Variants in OTUD7A observed in about 807,000 individuals in gnomAD.
OTUD7A encodes the protein OTU domain-containing protein 7A.
In OTUD7A, 12 loss-of-function variants were observed where a neutral mutation model predicts 65.7. The ratio of observed to expected loss-of-function variants is 0.18; its 90% CI spans 0.12 to 0.30. OTUD7A has a LOEUF of 0.30. OTUD7A is among the 10% of genes least tolerant of loss of function. The probability of loss-of-function intolerance (pLI) is 1.00; values close to 1 mark genes in which losing one functional copy is unlikely to be tolerated. For synonymous variants in OTUD7A, 641 were observed against 586.3 expected (o/e 1.09, Z -1.35); for missense variants, 1,148 against 1,304.8 (o/e 0.88, Z 1.85).
At chr15:31,845,499 C>T (rs1897275810) in intron 1 of OTUD7A, among the ~76,000 whole-genome samples, 2 of 152,224 alleles carry the variant, frequency 1.3e-5, no homozygotes, top group South Asian at 4.1e-4. Flanking sequence ...TGGCCTCACG[C>T]CGGCTCCAAC....
chr15:31,488,456 C>CCAAGGGCATTGTCAGGGA (rs1325392107), intron 10 of OTUD7A, among the ~76,000 whole-genome samples: 24 of 152,250 alleles, frequency 1.6e-4, no homozygotes, highest in African/African-American at 5.8e-4. Flanking sequence ...TTGACTCCTC[C>CCAAGGGCATTGTCAGGGA]CAAGGGCATT....
intron 8 of OTUD7A, among the ~76,000 whole-genome samples, chr15:31,509,093 C>T (rs2041632645): frequency 6.6e-6 from 1 of 152,008 alleles, no homozygotes; most frequent in South Asian, 2.1e-4. Context: ...TAATGTCTGA[C>T]TATAAGGTAA....
chr15:31,677,841 T>G (rs1892627219), intron 1 of OTUD7A, among the ~76,000 whole-genome samples: 1 of 152,138 alleles, frequency 6.6e-6, no homozygotes, highest in Admixed American at 6.5e-5. Context: ...CCCAAGAATG[T>G]GGAAGTGACT....
chr15:31,540,596 G>A (rs1331970311), intron 5 of OTUD7A, among the ~76,000 whole-genome samples: 1 of 152,154 alleles, frequency 6.6e-6, no homozygotes, highest in Non-Finnish European at 1.5e-5. Flanking sequence ...TGATCTAACA[G>A]AGTTTTTATG....
At chr15:31,833,737 T>C (rs1896989917) in intron 1 of OTUD7A, among the ~76,000 whole-genome samples, 1 of 152,278 alleles carries the variant, frequency 6.6e-6, no homozygotes, top group Non-Finnish European at 1.5e-5. Context: ...TTAGCAGTTA[T>C]CGAATTCCTC....
At chr15:31,870,142 G>T (rs1299316823) in intron 1 of OTUD7A, among the ~76,000 whole-genome samples, 1 of 149,884 alleles carries the variant, frequency 6.7e-6, no homozygotes, top group Non-Finnish European at 1.5e-5. Context: ...GTCGCCCCAC[G>T]CCTGGCATCA....
intron 3 of OTUD7A, among the ~76,000 whole-genome samples, chr15:31,606,531 T>C (rs1388223473): frequency 6.6e-6 from 1 of 152,202 alleles, no homozygotes; most frequent in Non-Finnish European, 1.5e-5. Flanking sequence ...AGATCATCTG[T>C]GTTCATGACG....
chr15:31,639,475 C>G (rs1434001647), intron 3 of OTUD7A, among the ~76,000 whole-genome samples: 1 of 148,122 alleles, frequency 6.8e-6, no homozygotes, highest in Non-Finnish European at 1.5e-5. Flanking sequence ...CCAAAAACAT[C>G]TGTGTACAAG....
chr15:31,598,544 G>T (rs945821664), intron 3 of OTUD7A, among the ~76,000 whole-genome samples: 1 of 152,212 alleles, frequency 6.6e-6, no homozygotes, highest in Non-Finnish European at 1.5e-5. Context: ...TATGTCACCA[G>T]GGCCCTGGGT....
chr15:31,652,163 T>C (rs920331197), intron 3 of OTUD7A, among the ~76,000 whole-genome samples: 1 of 152,202 alleles, frequency 6.6e-6, no homozygotes, highest in African/African-American at 2.4e-5. Flanking sequence ...ACAGAACCAC[T>C]GTCCAGAAAT....
intron 1 of OTUD7A, among the ~76,000 whole-genome samples, chr15:31,771,984 G>C (rs1298635551): frequency 2.6e-5 from 4 of 152,130 alleles, no homozygotes; most frequent in Non-Finnish European, 5.9e-5. Flanking sequence ...CGGGCGCGGT[G>C]GCTCACACCT....
chr15:31,788,754 A>G (rs567486938), intron 1 of OTUD7A, among the ~76,000 whole-genome samples: 8 of 152,320 alleles, frequency 5.3e-5, no homozygotes, highest in Admixed American at 2.0e-4. Flanking sequence ...CCCTTAGAAC[A>G]GAGACATTGA....
At chr15:31,500,715 T>TG (rs1337920513) in intron 10 of OTUD7A, among the ~76,000 whole-genome samples, 1 of 152,196 alleles carries the variant, frequency 6.6e-6, no homozygotes, top group African/African-American at 2.4e-5. Context: ...GCACACTCAG[T>TG]GGAAAAGGTC....
At chr15:31,509,864 C>T (rs2041652952) in intron 8 of OTUD7A, among the ~76,000 whole-genome samples, 1 of 151,112 alleles carries the variant, frequency 6.6e-6, no homozygotes, top group South Asian at 2.1e-4. Flanking sequence ...CCTAATTTTA[C>T]CGTGTCTTTC....
At chr15:31,607,846 T>G (rs769880026) in intron 3 of OTUD7A, among the ~76,000 whole-genome samples, 1 of 152,240 alleles carries the variant, frequency 6.6e-6, no homozygotes, top group Non-Finnish European at 1.5e-5. Context: ...AACTCTGTGA[T>G]GTTTGCACAA....
chr15:31,741,730 A>C (rs1180373200), intron 1 of OTUD7A, among the ~76,000 whole-genome samples: 1 of 152,114 alleles, frequency 6.6e-6, no homozygotes, highest in Non-Finnish European at 1.5e-5. Flanking sequence ...AAGAAAATAA[A>C]AAATACCAAA....
intron 1 of OTUD7A, among the ~76,000 whole-genome samples, chr15:31,699,765 C>T (rs994188862): frequency 5.9e-5 from 9 of 152,032 alleles, no homozygotes; most frequent in Non-Finnish European, 1.3e-4. Flanking sequence ...ATGCTTGTTG[C>T]TCTATCACAT....
At chr15:31,617,615 A>G (rs971427432) in intron 3 of OTUD7A, among the ~76,000 whole-genome samples, 1 of 152,254 alleles carries the variant, frequency 6.6e-6, no homozygotes, top group Non-Finnish European at 1.5e-5. Context: ...ACAAAGCTTA[A>G]GCACAGGAAA....
At chr15:31,730,063 G>C (rs1432758555) in intron 1 of OTUD7A, among the ~76,000 whole-genome samples, 1 of 152,162 alleles carries the variant, frequency 6.6e-6, no homozygotes, top group Non-Finnish European at 1.5e-5. Context: ...TAGGTCATGA[G>C]GGTGCAGCCT....
Sources: allele counts gnomAD v4.1 joint callset (sites outside exome capture counted in the v4.1 genomes callset), GRCh38; gene constraint gnomAD v4.1.1; transcripts MANE v1.5; gene names NCBI Gene and HGNC (gene_info 2026-07-23, HGNC 2026-07-21).